Variants in ABCC1 observed in about 807,000 individuals in gnomAD.
ABCC1 encodes ATP binding cassette subfamily C member 1 (ABCC1 blood group), also known as multidrug resistance-associated protein 1.
ABCC1 carries 83 observed loss-of-function variants against 172.9 expected under a neutral mutation model. That is an observed-to-expected ratio of 0.48 (90% confidence interval 0.40 to 0.58). The LOEUF (loss-of-function observed/expected upper bound fraction) is 0.58. Among genes scored for constraint, ABCC1 ranks in the 20% least tolerant of loss-of-function variants. ABCC1 has a pLI of 0.00. For synonymous variants in ABCC1, 937 were observed against 825.2 expected (o/e 1.14, Z -2.32); for missense variants, 1,817 against 2,002.7 (o/e 0.91, Z 1.77).
intron 12 of ABCC1, among the ~76,000 whole-genome samples, chr16:16,061,499 C>T (rs1358736284): frequency 2.0e-5 from 3 of 152,142 alleles, no homozygotes; most frequent in Non-Finnish European, 2.9e-5. Context: ...CCAGGCATTG[C>T]GAAGTGTCCC....
At chr16:15,958,252 C>G (rs552619174) in intron 1 of ABCC1, among the ~76,000 whole-genome samples, 2 of 152,010 alleles carry the variant, frequency 1.3e-5, no homozygotes, top group Non-Finnish European at 2.9e-5. Flanking sequence ...ATTACAGGCC[C>G]GCACCACCAC....
chr16:15,998,338 G>C (rs1460120700), intron 1 of ABCC1, among the ~76,000 whole-genome samples: 1 of 151,940 alleles, frequency 6.6e-6, no homozygotes, highest in East Asian at 1.9e-4. Context: ...TGTTGCCCAG[G>C]CTTTTCTTGA....
intron 1 of ABCC1, among the ~76,000 whole-genome samples, chr16:15,955,109 A>G (rs776973766): frequency 6.6e-6 from 1 of 152,116 alleles, no homozygotes; most frequent in Non-Finnish European, 1.5e-5. Flanking sequence ...TAATCCTGGC[A>G]CTTCGGGAGG....
At chr16:16,134,880 A>G (rs2152152612) in intron 28 of ABCC1, among the ~76,000 whole-genome samples, 1 of 152,150 alleles carries the variant, frequency 6.6e-6, no homozygotes, top group African/African-American at 2.4e-5. Context: ...GGGCTCAAGC[A>G]ATCCACCCAC....
rs554414627 is a variant in ABCC1, at chr16:16,037,454, C to T, written c.809+851C>T. On this transcript the variant is annotated intron_variant, in intron 7 of 30. Coordinates refer to ENST00000399410, the MANE Select transcript of ABCC1 (RefSeq NM_004996.4). Reference sequence around the variant, plus strand: ...ATCAAATCTGAGACACCATTAGTTGCGTGATGCGTTATTATTCTATGTAAC... The same window carrying T: ...ATCAAATCTGAGACACCATTAGTTGTGTGATGCGTTATTATTCTATGTAAC... Among the ~76,000 whole-genome samples, 15 of 152,200 alleles carry T rather than the reference C, an allele frequency of 9.9e-5. No individual in the cohort carries two copies. The South Asian group carries it at 2.5e-3, about 25-fold the overall frequency.
rs564033965 is a variant in ABCC1, at chr16:16,091,316, G to T, written c.2644+728G>T. Among the ~76,000 whole-genome samples, 39 of 149,056 alleles carry T rather than the reference G, an allele frequency of 2.6e-4. 1 individual carries two copies. The East Asian group carries it at 7.7e-3, about 30-fold the overall frequency. On this transcript the variant is annotated intron_variant, in intron 19 of 30. Transcript: ENST00000399410. ...ACAGTGGCTCACGCCTGTAATCCCAGCACTTTGGGAGGCCGTGGTGGGTGG... is the reference window on the plus strand; with the variant it reads ...ACAGTGGCTCACGCCTGTAATCCCATCACTTTGGGAGGCCGTGGTGGGTGG...
chr16:16,138,205 T>A lies in ABCC1; in HGVS notation c.4293-159T>A, dbSNP rs1361682556. On this transcript the variant is annotated intron_variant, in intron 29 of 30. Transcript: ENST00000399410. ...GAATAGGAGATGTGCTCTGATTGAT[T>A]AGTGATGTCTGCTGCAGACACAGAT... Among the ~76,000 whole-genome samples, 5 of 152,156 alleles carry A rather than the reference T, an allele frequency of 3.3e-5. No homozygotes were observed. The South Asian group carries it at 1.0e-3, about 32-fold the overall frequency.
Position 16,098,890 on chromosome 16 carries a change from G to A in ABCC1, c.2645-3737G>A. ...ATTCCCAGGCAGCACAGTGATGGAC[G>A]AGGAGGAAGCAGGTCAGTACTGCCC... On this transcript the variant is annotated intron_variant, in intron 19 of 30. Transcript: ENST00000399410. The A allele has an allele frequency of 3.7e-6, 5 of 1,352,136 alleles. 1 individual carries two copies. In the South Asian group the frequency reaches 4.5e-5, roughly 12 times the overall value. The allele number at this position is 1,352,136 out of a possible 1,614,324, so 83.8% of individuals were successfully genotyped here. A position where few individuals can be genotyped will look rare whatever the true frequency, so the allele number is the denominator to read the frequency against.
intron 1 of ABCC1, among the ~76,000 whole-genome samples, 169 bp downstream of exon 1, chr16:15,949,968 G>A (rs2045828569): frequency 6.6e-6 from 1 of 152,112 alleles, no homozygotes; most frequent in African/African-American, 2.4e-5. Context: ...GGGGTGCAAG[G>A]CATGGGGGAA....
chr16:16,042,828 A>T (rs767194222), intron 7 of ABCC1, among the ~76,000 whole-genome samples: 2 of 152,258 alleles, frequency 1.3e-5, no homozygotes, highest in East Asian at 1.9e-4. Flanking sequence ...TAGTGTGTTC[A>T]CAGAGTTGTG....
intron 19 of ABCC1, chr16:16,094,416 G>A (rs898173673): frequency 5.3e-5 from 10 of 189,710 alleles, no homozygotes; most frequent in South Asian, 1.9e-4. Context: ...ATGTCAGAAT[G>A]GTACATGTTG....
chr16:15,966,942 A>C (rs1246834674), intron 1 of ABCC1, among the ~76,000 whole-genome samples: 2 of 152,030 alleles, frequency 1.3e-5, no homozygotes, highest in Non-Finnish European at 2.9e-5. Flanking sequence ...CAGCCTTCCA[A>C]AGTGCTGGGA....
intron 1 of ABCC1, among the ~76,000 whole-genome samples, chr16:15,987,581 T>C (rs893992183): frequency 6.6e-5 from 10 of 152,208 alleles, no homozygotes; most frequent in African/African-American, 2.4e-4. Context: ...TCTTCCTAAG[T>C]TGTGAAAACC....
intron 13 of ABCC1, among the ~76,000 whole-genome samples, chr16:16,070,108 G>A (rs1315169800): frequency 2.6e-5 from 4 of 152,250 alleles, no homozygotes; most frequent in African/African-American, 4.8e-5. Flanking sequence ...TTGGCTGGGC[G>A]CAGTGGCTCA....
At position 16,014,515 on chromosome 16, in the gene ABCC1, C is replaced by T. The variant is rs905507284; in HGVS notation, c.376C>T (p.Leu126=). 6.2e-7 allele frequency: 1 copy of T among 1,613,966 alleles called. No individual in the cohort carries two copies. The highest frequency in any genetic ancestry group is 1.3e-5 in the African/African-American group (1 of 74,926). The part of the protein sequence containing the change: ...TMLLATFLIQ[L]ERRKGVQSSG... The stretch of plus-strand genomic sequence containing the variant: ...GCTGCTTGCTACCTTTTTAATTCAG[C>T]TGGAGAGGAGGAAGGGAGTTCAGTC... Residue 126 remains leucine (L), a synonymous_variant, in exon 4 of 31, where the codon CTG becomes TTG. Coordinates refer to ENST00000399410, the MANE Select transcript of ABCC1 (RefSeq NM_004996.4).
chr16:16,047,256 C>T (rs1487195832), intron 9 of ABCC1, among the ~76,000 whole-genome samples: 1 of 152,118 alleles, frequency 6.6e-6, no homozygotes, highest in Non-Finnish European at 1.5e-5. Context: ...ATTGCGATTG[C>T]TGTGGTGGCA....
intron 23 of ABCC1, among the ~76,000 whole-genome samples, chr16:16,120,128 C>G (rs1424848149): frequency 6.6e-6 from 1 of 152,112 alleles, no homozygotes; most frequent in Non-Finnish European, 1.5e-5. Context: ...ACCACAGAGG[C>G]CTTGTAAAAG....
At chr16:16,021,100 T>C (rs879449803) in intron 5 of ABCC1, among the ~76,000 whole-genome samples, 13 of 152,030 alleles carry the variant, frequency 8.6e-5, no homozygotes, top group Non-Finnish European at 1.3e-4. Flanking sequence ...GGGCCTGTAG[T>C]GGTAATTTAT....
At chr16:16,042,847 A>G (rs369936755) in intron 7 of ABCC1, among the ~76,000 whole-genome samples, 1 of 152,150 alleles carries the variant, frequency 6.6e-6, no homozygotes, top group South Asian at 2.1e-4. Context: ...TGCAGTCATC[A>G]TCACAGTCAA....
Sources: gnomAD v4.1 joint callset for allele counts (sites outside exome capture counted in the v4.1 genomes callset) on GRCh38, gnomAD v4.1.1 for gene constraint, MANE v1.5 for transcripts, NCBI Gene and HGNC (gene_info 2026-07-23, HGNC 2026-07-21) for gene names.